Variants in SCARB1 observed in about 807,000 individuals in gnomAD.
The protein encoded by SCARB1 is CD36 and LIMPII analogous 1.
SCARB1 carries 30 observed loss-of-function variants against 57.2 expected under a neutral mutation model. The observed-to-expected ratio is 0.52, with a 90% CI of 0.39 to 0.71. SCARB1 has a LOEUF of 0.71. Among genes scored for constraint, SCARB1 ranks in the 30% least tolerant of loss-of-function variants. The pLI is 0.00. For missense variants in SCARB1, 543 were observed against 671.2 expected (o/e 0.81, Z 2.11); for synonymous variants, 249 against 268.3 (o/e 0.93, Z 0.70).
chr12:124,833,208 T>C lies in SCARB1; in HGVS notation c.127-15501A>G, dbSNP rs552056630. Among the ~76,000 whole-genome samples, 21 of 146,466 alleles carry C rather than the reference T, an allele frequency of 1.4e-4. No homozygotes were observed. The East Asian group carries it at 1.9e-3, about 13-fold the overall frequency. On this transcript the variant is annotated intron_variant, in intron 1 of 12. Transcript: ENST00000261693. ...AGATCCTTAACTTTTTTTTTTTTTT[T>C]GAGACAGGGTCTCACTCTGTTGCCA...
chr12:124,826,815 G>T (rs990115294), intron 1 of SCARB1, among the ~76,000 whole-genome samples: 1 of 152,030 alleles, frequency 6.6e-6, no homozygotes, highest in Admixed American at 6.6e-5. Context: ...GCTAAAGAAA[G>T]AAACAATTGA....
At position 124,800,351 on chromosome 12, in the gene SCARB1, T is replaced by A; in HGVS notation, c.1010-109A>T. 1 of 780,188 alleles carries A rather than the reference T, an allele frequency of 1.3e-6. No homozygotes were observed. Among genetic ancestry groups the A allele is most frequent in the Non-Finnish European group, 2.2e-6 (1 of 456,298 alleles). The allele number at this position is 780,188 out of a possible 1,614,324, so 48.3% of individuals were successfully genotyped here. A position where few individuals can be genotyped will look rare whatever the true frequency, so the allele number is the denominator to read the frequency against. ...GGTCTGCAGGGCACCCCCGTGGCGA[T>A]GACAAGATAACCAGACAGAGAGGAT... On this transcript the variant is annotated intron_variant, in intron 7 of 12. Coordinates refer to ENST00000261693, the MANE Select transcript of SCARB1 (RefSeq NM_005505.5). This position sits in a 1 kb window ranked among gnomAD's most constrained non-coding sequence, Gnocchi z 4.8.
At chr12:124,857,069 C>T (rs1207860786) in intron 1 of SCARB1, among the ~76,000 whole-genome samples, 1 of 152,172 alleles carries the variant, frequency 6.6e-6, no homozygotes, top group Admixed American at 6.5e-5. Flanking sequence ...CACCCCCCGC[C>T]GCCCGCCTTA....
chr12:124,863,756 G>GCTCC lies in SCARB1; in HGVS notation c.-40_-37dup. ...CTGGGGCCCACCCGCGGCTCGCAGG[G>GCTCC]CTCCGCGCCTGGCAGGAGACGGGGA... On this transcript the variant is annotated 5_prime_UTR_variant, in exon 1 of 13. Transcript: ENST00000261693. 1 of 1,413,536 alleles carries GCTCC rather than the reference G, an allele frequency of 7.1e-7. No individual in the cohort carries two copies. Among genetic ancestry groups the GCTCC allele is most frequent in the Non-Finnish European group, 9.2e-7 (1 of 1,085,276 alleles). The allele number at this position is 1,413,536 out of a possible 1,614,324, so 87.6% of individuals were successfully genotyped here.
intron 1 of SCARB1, among the ~76,000 whole-genome samples, chr12:124,854,815 G>A (rs1198416143): frequency 1.3e-5 from 2 of 152,106 alleles, no homozygotes; most frequent in African/African-American, 2.4e-5. Context: ...GGAGCCAGCC[G>A]GGGCGAGCGT....
chr12:124,863,039 A>T (rs1418136136), intron 1 of SCARB1, among the ~76,000 whole-genome samples: 1 of 152,102 alleles, frequency 6.6e-6, no homozygotes, highest in African/African-American at 2.4e-5. Flanking sequence ...CCTCTGGGAG[A>T]GGGTTCCTAT....
chr12:124,809,148 C>G (rs1237984603), intron 6 of SCARB1, among the ~76,000 whole-genome samples: 1 of 151,854 alleles, frequency 6.6e-6, no homozygotes, highest in East Asian at 1.9e-4. Context: ...ATACAGCCTC[C>G]AACCTACTCT....
intron 1 of SCARB1, among the ~76,000 whole-genome samples, chr12:124,861,683 G>A (rs565814572): frequency 1.1e-4 from 16 of 152,294 alleles, no homozygotes; most frequent in Non-Finnish European, 2.1e-4. Flanking sequence ...TGGGCTGGGC[G>A]TGTCTTCCTG....
chr12:124,863,429 A>T (rs1020066507), intron 1 of SCARB1, among the ~76,000 whole-genome samples, 166 bp downstream of exon 1: 1 of 152,088 alleles, frequency 6.6e-6, no homozygotes, highest in African/African-American at 2.4e-5. Flanking sequence ...GGAGGCGGGC[A>T]GCAGCCCCTC....
chr12:124,860,207 A>G (rs913710632), intron 1 of SCARB1, among the ~76,000 whole-genome samples: 1 of 152,170 alleles, frequency 6.6e-6, no homozygotes, highest in Non-Finnish European at 1.5e-5. Flanking sequence ...TGAATAATGA[A>G]GACATGGTTC....
intron 4 of SCARB1, among the ~76,000 whole-genome samples, chr12:124,813,763 G>C (rs1355566686): frequency 6.6e-6 from 1 of 152,100 alleles, no homozygotes; most frequent in East Asian, 1.9e-4. Context: ...CAGTCCCAAG[G>C]ACTCAGTGAA....
At chr12:124,799,759 CCT>C (rs1215542966) in intron 8 of SCARB1, among the ~76,000 whole-genome samples, 1 of 152,112 alleles carries the variant, frequency 6.6e-6, no homozygotes, top group East Asian at 1.9e-4. Flanking sequence ...GGACAAATTC[CCT>C]GTGTGATTTA....
chr12:124,793,106 C>T (rs575817855), intron 9 of SCARB1, among the ~76,000 whole-genome samples: 15 of 152,210 alleles, frequency 9.9e-5, no homozygotes, highest in Admixed American at 3.9e-4. Context: ...AATGCAAGGG[C>T]GGGATGAAGG....
intron 1 of SCARB1, among the ~76,000 whole-genome samples, chr12:124,844,975 G>A (rs1298760155): frequency 6.6e-6 from 1 of 152,022 alleles, no homozygotes; most frequent in East Asian, 1.9e-4. Context: ...CACAGCAGCA[G>A]GAGGCAGGGC....
In SCARB1 at chr12:124,800,181, C is replaced by G. The variant is rs761562702; in HGVS notation, c.1071G>C (p.Ala357=). The stretch of plus-strand genomic sequence containing the variant: ...CCTGGTTAGGGTGCAGGCCAGTCAC[C>G]GCTTCTGCCAGAACCGGGTCAGCGT... The part of the protein sequence containing the change: ...FLNADPVLAE[A]VTGLHPNQEA... Residue 357 remains alanine (A), a synonymous_variant, in exon 8 of 13, where the codon GCG becomes GCC. Transcript: ENST00000261693. This position sits in a 1 kb window ranked among gnomAD's most constrained non-coding sequence, Gnocchi z 4.8. The G allele has an allele frequency of 2.5e-6, 4 of 1,613,924 alleles. No homozygotes were observed. In the Admixed American group the frequency reaches 5.0e-5, roughly 20 times the overall value.
intron 1 of SCARB1, among the ~76,000 whole-genome samples, chr12:124,854,544 G>A (rs1429615125): frequency 6.6e-6 from 1 of 152,210 alleles, no homozygotes; most frequent in Non-Finnish European, 1.5e-5. Context: ...GGCCAGTGAG[G>A]AGGCGGATGC....
intron 1 of SCARB1, among the ~76,000 whole-genome samples, chr12:124,840,890 T>C (rs1274952950): frequency 6.6e-6 from 1 of 152,182 alleles, no homozygotes; most frequent in Non-Finnish European, 1.5e-5. Context: ...TGAGTCAGGC[T>C]GGGCGTGGTG....
chr12:124,790,463 A>G (rs1244838698), intron 9 of SCARB1, among the ~76,000 whole-genome samples: 1 of 152,202 alleles, frequency 6.6e-6, no homozygotes, highest in Non-Finnish European at 1.5e-5. Context: ...TAGAAGCTGT[A>G]AACGGCAAGG....
chr12:124,863,628 C>T lies in SCARB1; in HGVS notation c.93G>A (p.Met31Ile). 6.2e-7 allele frequency: 1 copy of T among 1,600,582 alleles called. No individual in the cohort carries two copies. Among genetic ancestry groups the T allele is most frequent in the Non-Finnish European group, 8.5e-7 (1 of 1,173,920 alleles). The change falls in exon 1 of 13, where the codon ATG becomes ATA. Residue 31 changes from methionine (M) to isoleucine (I), a missense_variant. Met to Ile is a conservative substitution (Grantham distance 10, BLOSUM62 1). Coordinates refer to ENST00000261693, the MANE Select transcript of SCARB1 (RefSeq NM_005505.5). ...CAVLGAVMIVMVPSLIKQQVL... is the reference protein window; with the variant it reads ...CAVLGAVMIVIVPSLIKQQVL... The stretch of plus-strand genomic sequence containing the variant: ...CCTGCTGCTTGATGAGCGACGGCAC[C>T]ATCACGATCATGACAGCGCCCAGCA...
Sources: gnomAD v4.1 joint callset for allele counts (sites outside exome capture counted in the v4.1 genomes callset) on GRCh38, gnomAD v4.1.1 for gene constraint, Gnocchi (gnomAD v3.1) non-coding constraint, MANE v1.5 for transcripts, NCBI Gene and HGNC (gene_info 2026-07-23, HGNC 2026-07-21) for gene names.